RAB38: variants seen among roughly 807,000 people sequenced by gnomAD.
RAB38 encodes the protein ras-related protein Rab-38.
In RAB38, 15 loss-of-function variants were observed where a neutral mutation model predicts 18.4. The ratio of observed to expected loss-of-function variants is 0.82; its 90% confidence interval spans 0.55 to 1.26. The LOEUF is 1.26. Ranked by LOEUF, RAB38 falls within the 50% of genes most tolerant of loss-of-function variation. The pLI is 0.00. For synonymous variants in RAB38, 101 were observed against 104.4 expected (o/e 0.97, Z 0.20); for missense variants, 294 against 267.4 (o/e 1.10, Z -0.69).
chr11:88,120,236 T>C (rs1157625883), intron 2 of RAB38, among the ~76,000 whole-genome samples: 1 of 152,214 alleles, frequency 6.6e-6, no homozygotes, highest in African/African-American at 2.4e-5. Context: ...CTTTAACAGA[T>C]GACAAAAGTG....
chr11:88,083,222 C>T, the RAB38 span, among the ~76,000 whole-genome samples: 1 of 151,748 alleles, frequency 6.6e-6, no homozygotes, highest in Non-Finnish European at 1.5e-5. Flanking sequence ...ATCCTAAGCT[C>T]TCTTTATACT....
the RAB38 span, among the ~76,000 whole-genome samples, chr11:87,806,927 G>C: frequency 6.6e-6 from 1 of 152,132 alleles, no homozygotes; most frequent in Non-Finnish European, 1.5e-5. Flanking sequence ...ATGAAATTCT[G>C]GATCTGGACT....
the RAB38 span, among the ~76,000 whole-genome samples, chr11:87,976,866 TTA>T: frequency 1.1e-5 from 1 of 87,606 alleles, no homozygotes; most frequent in South Asian, 3.8e-4. Flanking sequence ...GTATTATATA[TTA>T]TATGTTATAT....
chr11:87,969,497 G>T, the RAB38 span, among the ~76,000 whole-genome samples: 1 of 152,132 alleles, frequency 6.6e-6, no homozygotes. Context: ...GAAGAATGAA[G>T]TCTAGGGCAT....
At chr11:87,852,831 C>G in the RAB38 span, among the ~76,000 whole-genome samples, 16 of 152,222 alleles carry the variant, frequency 1.1e-4, no homozygotes, top group South Asian at 2.9e-3. Context: ...TTTCTCACCT[C>G]TTTTCAAATT....
At chr11:88,122,589 A>G (rs1231696708) in intron 2 of RAB38, among the ~76,000 whole-genome samples, 1 of 152,250 alleles carries the variant, frequency 6.6e-6, no homozygotes, top group Non-Finnish European at 1.5e-5. Context: ...TGTATGTTAC[A>G]TACATAATCT....
At position 88,149,745 on chromosome 11, in the gene RAB38, T is replaced by A. The variant is rs755523753; in HGVS notation, c.413A>T (p.Asn138Ile). 6.2e-7 allele frequency: 1 copy of A among 1,614,078 alleles called. No homozygotes were observed. The highest frequency in any genetic ancestry group is 8.5e-7 in the Non-Finnish European group (1 of 1,180,042). ...KCDQGKDVLM[N>I]NGLKMDQFCK... is the part of the protein sequence containing the mutation. ...GAACTGGTCCATCTTGAGGCCATTG[T>A]TCATGAGCACATCCTTCCCCTGGTC... is the stretch of plus-strand genomic sequence containing the variant. Residue 138 changes from asparagine to isoleucine, a missense_variant, in exon 2 of 3, where the codon AAC becomes ATC. Coordinates refer to ENST00000243662, the MANE Select transcript of RAB38 (RefSeq NM_022337.3).
At chr11:87,818,254 A>G in the RAB38 span, among the ~76,000 whole-genome samples, 1 of 152,186 alleles carries the variant, frequency 6.6e-6, no homozygotes, top group South Asian at 2.1e-4. Flanking sequence ...GCCCTAAAAG[A>G]AAGGGAAAAC....
the RAB38 span, among the ~76,000 whole-genome samples, chr11:87,903,587 A>T: frequency 1.3e-5 from 2 of 151,542 alleles, no homozygotes; most frequent in East Asian, 2.0e-4. Context: ...TGAGATAGAA[A>T]ATATTTCTTC....
chr11:87,907,113 G>T, the RAB38 span, among the ~76,000 whole-genome samples: 1 of 151,822 alleles, frequency 6.6e-6, no homozygotes, highest in South Asian at 2.1e-4. Flanking sequence ...GTTATGTATG[G>T]TATGACATTT....
chr11:87,816,712 A>T, the RAB38 span, among the ~76,000 whole-genome samples: 1 of 151,914 alleles, frequency 6.6e-6, no homozygotes, highest in Non-Finnish European at 1.5e-5. Flanking sequence ...AGAGAGAAAG[A>T]GAGAGAGAGG....
At chr11:87,884,722 ATCAAAATCAGTTGAG>A in the RAB38 span, among the ~76,000 whole-genome samples, 1 of 151,964 alleles carries the variant, frequency 6.6e-6, no homozygotes, top group Non-Finnish European at 1.5e-5. Flanking sequence ...AAAAAGGGAT[ATCAAAATCAGTTGAG>A]GGACTCCTCT....
At chr11:87,859,018 A>G in the RAB38 span, among the ~76,000 whole-genome samples, 2 of 151,862 alleles carry the variant, frequency 1.3e-5, no homozygotes, top group African/African-American at 4.8e-5. Context: ...ATAAAGAAGA[A>G]CATAACAAAT....
intron 1 of RAB38, among the ~76,000 whole-genome samples, chr11:88,165,015 T>G (rs1943230580): frequency 6.6e-6 from 1 of 152,090 alleles, no homozygotes. Context: ...TGTTAATAAG[T>G]CAAACCAACC....
chr11:87,968,771 A>G, the RAB38 span, among the ~76,000 whole-genome samples: 45,041 of 152,098 alleles, frequency 0.3, 7,594 homozygotes, highest in Non-Finnish European at 0.38. Flanking sequence ...CAAAGAGTTG[A>G]TATTTTGAGC....
chr11:87,959,307 A>G, the RAB38 span, among the ~76,000 whole-genome samples: 1 of 152,184 alleles, frequency 6.6e-6, no homozygotes, highest in Admixed American at 6.6e-5. Flanking sequence ...TAAAACCTAC[A>G]CAGTAAGCTA....
At chr11:88,141,078 T>TTTAGATG (rs1942906285) in intron 2 of RAB38, among the ~76,000 whole-genome samples, 2 of 152,250 alleles carry the variant, frequency 1.3e-5, no homozygotes, top group Admixed American at 1.3e-4. Flanking sequence ...TTTCTAGATG[T>TTTAGATG]TTTCTTCCTC....
chr11:87,863,506 C>T, the RAB38 span, among the ~76,000 whole-genome samples: 9 of 151,762 alleles, frequency 5.9e-5, no homozygotes, highest in South Asian at 1.9e-3. Flanking sequence ...GGTGAAAAGT[C>T]CCAGTTTCAG....
chr11:87,851,855 G>A, the RAB38 span, among the ~76,000 whole-genome samples: 2 of 152,140 alleles, frequency 1.3e-5, no homozygotes, highest in African/African-American at 4.8e-5. Context: ...CACTTTTAGG[G>A]TCTCTAGCTG....
Sources: allele counts gnomAD v4.1 joint callset (sites outside exome capture counted in the v4.1 genomes callset), GRCh38; gene constraint gnomAD v4.1.1; transcripts MANE v1.5; gene names NCBI Gene and HGNC (gene_info 2026-07-23, HGNC 2026-07-21).